The following ANO7 variants were observed in gnomAD, a reference collection of about 807,000 sequenced individuals.
ANO7 encodes anoctamin-7.
A neutral mutation model predicts 115.8 loss-of-function variants in ANO7; 114 were observed. The ratio of observed to expected loss-of-function variants is 0.98; its 90% CI spans 0.85 to 1.15. ANO7 has a LOEUF of 1.15. Ranked by LOEUF, ANO7 falls within the 50% of genes most tolerant of loss-of-function variation. ANO7 has a pLI of 0.00. For synonymous variants in ANO7, 550 were observed against 498.2 expected (o/e 1.10, Z -1.38); for missense variants, 1,302 against 1,201.2 (o/e 1.08, Z -1.24).
downstream of ANO7, chr2:241,230,698 G>T: frequency 6.8e-7 from 1 of 1,465,168 alleles, no homozygotes; most frequent in Non-Finnish European, 9.5e-7. The surrounding 1 kb of genome is among the most constrained non-coding windows in gnomAD (Gnocchi z 5.0). Flanking sequence ...TCTTTCTTCT[G>T]GCCAGCCAGG....
At chr2:241,216,269 C>A in intron 19 of ANO7, 31 bp downstream of exon 19, 1 of 1,539,396 alleles carries the variant, frequency 6.5e-7, no homozygotes, top group Admixed American at 2.1e-5. Context: ...GCGGCAATGG[C>A]TGGCGCCGTG....
At chr2:241,234,761 G>T in the ANO7 span, among the ~76,000 whole-genome samples, 1 of 152,206 alleles carries the variant, frequency 6.6e-6, no homozygotes, top group Non-Finnish European at 1.5e-5. Flanking sequence ...CTGTGCTAGA[G>T]GTTAGTGGGG....
At chr2:241,211,242 G>A (rs757126194) in intron 15 of ANO7, among the ~76,000 whole-genome samples, 7 of 152,216 alleles carry the variant, frequency 4.6e-5, no homozygotes, top group Admixed American at 1.3e-4. Flanking sequence ...GGATAGGGCC[G>A]CTGAGCCTCT....
chr2:241,230,836 G>A (rs2069658516), downstream of ANO7: 2 of 1,614,138 alleles, frequency 1.2e-6, no homozygotes, highest in Admixed American at 1.7e-5. This position sits in a 1 kb window ranked among gnomAD's most constrained non-coding sequence, Gnocchi z 5.0. Flanking sequence ...TGGTCCAGCG[G>A]GACGTCCTCA....
chr2:241,229,722 T>C (rs201002787), downstream of ANO7: 39 of 1,611,000 alleles, frequency 2.4e-5, 2 homozygotes, highest in East Asian at 2.9e-4. Context: ...CAGGAGGGGA[T>C]GCTCCCCAAC....
chr2:241,236,340 C>T, the ANO7 span: 10 of 493,754 alleles, frequency 2.0e-5, no homozygotes, highest in Non-Finnish European at 1.1e-5. Flanking sequence ...CCTTCCACAG[C>T]CCCCGCACCC....
At chr2:241,233,434 A>G in the ANO7 span, among the ~76,000 whole-genome samples, 108 of 152,282 alleles carry the variant, frequency 7.1e-4, no homozygotes, top group African/African-American at 2.3e-3. This position sits in a 1 kb window ranked among gnomAD's most constrained non-coding sequence, Gnocchi z 4.3. Context: ...GGCTGCAGAG[A>G]AATGTCCACC....
the ANO7 span, chr2:241,235,303 G>A: frequency 6.2e-7 from 1 of 1,613,286 alleles, no homozygotes. Context: ...CAGAGAACAG[G>A]AAAGAGTCCA....
intron 21 of ANO7, among the ~76,000 whole-genome samples, chr2:241,222,909 A>G (rs939965238): frequency 6.6e-6 from 1 of 152,192 alleles, no homozygotes; most frequent in Non-Finnish European, 1.5e-5. Context: ...ACTAGAAAAT[A>G]AAGCATCTGC....
At position 241,224,357 on chromosome 2, in the gene ANO7, C is replaced by A; in HGVS notation, c.*204C>A. On this transcript the variant is annotated 3_prime_UTR_variant, in exon 25 of 25. Coordinates refer to ENST00000674324, the MANE Select transcript of ANO7 (RefSeq NM_001370694.2). The stretch of plus-strand genomic sequence containing the variant: ...TCACTCCATCCCCGGCAGGGAGGGA[C>A]CGTCAGCTCACAAGGCCCTCTTTGT... 1 of 613,280 alleles carries A rather than the reference C, an allele frequency of 1.6e-6. No homozygotes were observed. Among genetic ancestry groups the A allele is most frequent in the East Asian group, 2.8e-5 (1 of 35,540 alleles). The allele number at this position is 613,280 out of a possible 1,614,324, so 38.0% of individuals were successfully genotyped here. A position where few individuals can be genotyped will look rare whatever the true frequency, so the allele number is the denominator to read the frequency against.
rs1489803117 is a variant in ANO7, at chr2:241,218,299, G to A, written c.2239G>A (p.Ala747Thr). ...LPRAYYRWTR[A>T]HDLRGFLNFT... ...GCGCGCCTACTACCGGTGGACCCGC[G>A]CCCACGACCTGCGCGGCTTCCTCAA... The change falls in exon 21 of 25, where the codon GCC becomes ACC. Residue 747 changes from alanine to threonine, a missense_variant. By Grantham distance (58) the Ala-to-Thr change is moderately conservative. Coordinates refer to ENST00000674324, the MANE Select transcript of ANO7 (RefSeq NM_001370694.2). 2 of 1,535,190 alleles carry A rather than the reference G, an allele frequency of 1.3e-6. No individual in the cohort carries two copies. Among genetic ancestry groups the A allele is most frequent in the Non-Finnish European group, 1.7e-6 (2 of 1,148,678 alleles).
intron 4 of ANO7, 96 bp downstream of exon 4, chr2:241,195,941 G>A (rs199784391): frequency 3.7e-6 from 6 of 1,607,420 alleles, no homozygotes; most frequent in South Asian, 2.2e-5. Flanking sequence ...GGTGTCCAGA[G>A]TCCCAGAGCA....
the ANO7 span, chr2:241,231,140 T>G: frequency 1.9e-6 from 1 of 539,770 alleles, no homozygotes; most frequent in Non-Finnish European, 3.3e-6. Flanking sequence ...ATCCCAGCAC[T>G]TTGGGAGGCC....
the ANO7 span, among the ~76,000 whole-genome samples, chr2:241,237,686 T>C: frequency 6.6e-6 from 1 of 151,860 alleles, no homozygotes; most frequent in Non-Finnish European, 1.5e-5. Flanking sequence ...ATACCCACCA[T>C]GAATAAAGGG....
intron 6 of ANO7, 117 bp downstream of exon 6, chr2:241,200,342 G>A (rs1298392607): frequency 2.9e-6 from 4 of 1,368,040 alleles, no homozygotes; most frequent in Non-Finnish European, 3.9e-6. Context: ...TTTCGGCAGG[G>A]AATCTGAGGC....
At chr2:241,218,450 G>A (rs2068924203) in intron 21 of ANO7, 69 bp downstream of exon 21, 8 of 1,227,938 alleles carry the variant, frequency 6.5e-6, no homozygotes, top group Non-Finnish European at 8.2e-6. Flanking sequence ...CTCGGGTGGG[G>A]TGGGGGTGCG....
In ANO7 at chr2:241,223,943, C is replaced by G. The variant is rs200588203; in HGVS notation, c.2571C>G (p.Pro857=). 6.2e-7 allele frequency: 1 copy of G among 1,609,374 alleles called. No homozygotes were observed. The highest frequency in any genetic ancestry group is 1.4e-5 in the African/African-American group (1 of 70,444). Residue 857 remains proline (P), a synonymous_variant, in exon 24 of 25, where the codon CCC becomes CCG. Transcript: ENST00000674324. ...CGAACGGAACAAAGGATGAGCAGCC[C>G]GAGGGCTCAGAGGCAAGTCTGGGAG... ...FGTNGTKDEQ[P]EGSELSSHWT... is the part of the protein sequence containing the mutation.
Position 241,199,257 on chromosome 2 carries a change from CAT to C in ANO7, c.310-58_310-57del, listed in dbSNP as rs375368493. The C allele has an allele frequency of 3.9e-4, 553 of 1,402,170 alleles. 2 individuals are homozygous for C. The African/African-American group carries it at 6.8e-3, about 17-fold the overall frequency. 86.9% of individuals were successfully genotyped at this position (1,402,170 alleles called of 1,614,324 possible). ...TCCTAAGAGTGCGAATGGACACACA[CAT>C]GTGCATACGTGCACACATGCACCCT... On this transcript the variant is annotated intron_variant, in intron 4 of 24. Transcript: ENST00000674324.
the ANO7 span, chr2:241,238,860 T>C: frequency 1.6e-6 from 2 of 1,255,286 alleles, no homozygotes; most frequent in South Asian, 3.5e-5. This position sits in a 1 kb window ranked among gnomAD's most constrained non-coding sequence, Gnocchi z 4.9. Flanking sequence ...TACAGCACTC[T>C]TCACACCACC....
Sources: allele counts gnomAD v4.1 joint callset (sites outside exome capture counted in the v4.1 genomes callset), GRCh38; gene constraint gnomAD v4.1.1; non-coding constraint Gnocchi (gnomAD v3.1); transcripts MANE v1.5; gene names NCBI Gene and HGNC (gene_info 2026-07-23, HGNC 2026-07-21).